The following TIAM2 variants were observed in gnomAD, a reference collection of about 807,000 sequenced individuals.
The protein encoded by TIAM2 is rho guanine nucleotide exchange factor TIAM2.
A neutral mutation model predicts 152.9 loss-of-function variants in TIAM2; 80 were observed. That is an observed-to-expected ratio of 0.52 (90% CI 0.44 to 0.63). The LOEUF is 0.63. Among genes scored for constraint, TIAM2 ranks in the 30% least tolerant of loss-of-function variants. The pLI is 0.00. For missense variants in TIAM2, 1,965 were observed against 2,120.1 expected (o/e 0.93, Z 1.44); for synonymous variants, 804 against 838.0 (o/e 0.96, Z 0.70).
At chr6:155,240,794 G>GC (rs777474190) in intron 16 of TIAM2, 85 bp downstream of exon 16, 475 of 1,405,178 alleles carry the variant, frequency 3.4e-4, no homozygotes, top group Non-Finnish European at 4.4e-4. Flanking sequence ...GATCACCTCT[G>GC]CCCAGGACAC....
intron 6 of TIAM2, 123 bp from the exon 7 acceptor site, chr6:155,147,987 A>T: frequency 4.4e-6 from 4 of 908,590 alleles, no homozygotes; most frequent in Admixed American, 2.1e-5. Flanking sequence ...TTTTGAAATT[A>T]AGCAGCTTGT....
chr6:155,139,353 G>A (rs536728754), intron 5 of TIAM2, among the ~76,000 whole-genome samples: 21 of 152,296 alleles, frequency 1.4e-4, no homozygotes, highest in South Asian at 4.1e-4. Context: ...GCAGGCCGGC[G>A]GGTGTACAAA....
chr6:155,216,509 G>A (rs979090096), intron 15 of TIAM2: 1 of 152,350 alleles, frequency 6.6e-6, no homozygotes, highest in Non-Finnish European at 1.5e-5. Flanking sequence ...TCTCTGTAAG[G>A]GTGCCTATTA....
At chr6:155,039,548 G>A (rs960361002) in intron 1 of TIAM2, among the ~76,000 whole-genome samples, 28 of 149,078 alleles carry the variant, frequency 1.9e-4, no homozygotes, top group African/African-American at 6.1e-4. Context: ...GGTAAAAGTT[G>A]CCAGAAGTGG....
At chr6:154,996,046 C>G (rs1407419721) in intron 1 of TIAM2, among the ~76,000 whole-genome samples, 1 of 152,136 alleles carries the variant, frequency 6.6e-6, no homozygotes, top group African/African-American at 2.4e-5. Flanking sequence ...AGCGCGGGAG[C>G]CATCCCGGAC....
At chr6:155,089,337 G>A (rs1016136861) in intron 1 of TIAM2, among the ~76,000 whole-genome samples, 4 of 152,094 alleles carry the variant, frequency 2.6e-5, no homozygotes, top group African/African-American at 9.7e-5. Context: ...CTCCCAAGTA[G>A]TGGGGACTAC....
At chr6:155,010,777 C>T (rs367915408) in intron 1 of TIAM2, among the ~76,000 whole-genome samples, 13 of 150,712 alleles carry the variant, frequency 8.6e-5, no homozygotes, top group South Asian at 8.4e-4. Flanking sequence ...AGGCCAGGCG[C>T]GGTGGCTCAT....
chr6:155,002,404 T>A (rs1778328034), intron 1 of TIAM2, among the ~76,000 whole-genome samples: 1 of 152,120 alleles, frequency 6.6e-6, no homozygotes, highest in Admixed American at 6.6e-5. Flanking sequence ...GAGCAAGACC[T>A]CGTCTCAAAA....
In TIAM2 at chr6:155,156,036, A is replaced by G. The variant is rs564252770; in HGVS notation, c.2028+7702A>G. Among the ~76,000 whole-genome samples the G allele has an allele frequency of 5.9e-5, 9 of 152,332 alleles. No homozygotes were observed. In the South Asian group the frequency reaches 6.2e-4, roughly 11 times the overall value. On this transcript the variant is annotated intron_variant, in intron 7 of 26. Coordinates refer to ENST00000682666, the MANE Select transcript of TIAM2 (RefSeq NM_012454.4). This position sits in a 1 kb window ranked among gnomAD's most constrained non-coding sequence, Gnocchi z 4.4. ...TGAGCATACAATTTCAACATAACAC[A>G]GTGATTCAGTGCACGTGGCATTCCA...
chr6:155,206,488 G>C (rs1781599632), intron 14 of TIAM2, among the ~76,000 whole-genome samples: 1 of 152,162 alleles, frequency 6.6e-6, no homozygotes, highest in African/African-American at 2.4e-5. Flanking sequence ...GCCCCCCTCA[G>C]CCTCCTAAAG....
At chr6:155,045,838 C>CTTTT (rs1238583120) in intron 1 of TIAM2, among the ~76,000 whole-genome samples, 1 of 45,136 alleles carries the variant, frequency 2.2e-5, no homozygotes, top group Non-Finnish European at 4.5e-5. Context: ...ACATAGTGCC[C>CTTTT]TCTTTTTTTT....
intron 14 of TIAM2, among the ~76,000 whole-genome samples, chr6:155,203,677 G>T (rs1173278237): frequency 6.6e-6 from 1 of 152,132 alleles, no homozygotes; most frequent in Non-Finnish European, 1.5e-5. Context: ...CACATCAGAA[G>T]GGGTTTCTAA....
At chr6:155,030,452 A>AAT (rs1776802139) in intron 1 of TIAM2, among the ~76,000 whole-genome samples, 1 of 152,168 alleles carries the variant, frequency 6.6e-6, no homozygotes, top group Admixed American at 6.5e-5. Flanking sequence ...GAGAAGGAGC[A>AAT]ATAGGCAGGG....
intron 7 of TIAM2, among the ~76,000 whole-genome samples, chr6:155,162,790 C>A (rs1292536387): frequency 6.6e-6 from 1 of 152,164 alleles, no homozygotes; most frequent in African/African-American, 2.4e-5. Flanking sequence ...CAGTAGGCCA[C>A]CACGTTGCTA....
intron 2 of TIAM2, among the ~76,000 whole-genome samples, chr6:155,110,938 C>A (rs1157506303): frequency 6.6e-6 from 1 of 152,142 alleles, no homozygotes; most frequent in African/African-American, 2.4e-5. Context: ...TGAGAATAAT[C>A]CTTATCCTGC....
At chr6:155,215,853 C>T (rs975565692) in intron 15 of TIAM2, among the ~76,000 whole-genome samples, 1 of 151,230 alleles carries the variant, frequency 6.6e-6, no homozygotes, top group South Asian at 2.1e-4. Context: ...TGTTGTGCAG[C>T]CTGGAGTGCA....
chr6:155,048,035 C>T lies in TIAM2; in HGVS notation c.-208-42254C>T, dbSNP rs11963310. On this transcript the variant is annotated intron_variant, in intron 1 of 26. Coordinates refer to ENST00000682666, the MANE Select transcript of TIAM2 (RefSeq NM_012454.4). ...TGGCGCGATCTCCACTCACTGCAAC[C>T]TCTACTTCCTGGGTTCAAGTGATTC... 2.8e-3 allele frequency among the ~76,000 whole-genome samples: 430 copies of T among 152,232 alleles called. 1 individual carries two copies. The highest frequency in any genetic ancestry group is 9.8e-3 in the African/African-American group (408 of 41,538).
In TIAM2 at chr6:155,254,356, G is replaced by A. The variant is rs549414155; in HGVS notation, c.4314-63G>A. The A allele has an allele frequency of 2.2e-4, 351 of 1,577,838 alleles. 3 individuals are homozygous for A. The African/African-American group carries it at 4.3e-3, about 19-fold the overall frequency. ...GCAAGGCACAGGAACACAGGCGGGCGTGGAATGGAAGCACGATGAACACTG... is the reference window on the plus strand; with the variant it reads ...GCAAGGCACAGGAACACAGGCGGGCATGGAATGGAAGCACGATGAACACTG... On this transcript the variant is annotated intron_variant, in intron 25 of 26. Transcript: ENST00000682666.
At chr6:155,160,905 C>T (rs1393873576) in intron 7 of TIAM2, among the ~76,000 whole-genome samples, 2 of 152,162 alleles carry the variant, frequency 1.3e-5, no homozygotes, top group African/African-American at 4.8e-5. Flanking sequence ...TTTAAATGAA[C>T]TTTACAGTGT....
Sources: gnomAD v4.1 joint callset for allele counts (sites outside exome capture counted in the v4.1 genomes callset) on GRCh38, gnomAD v4.1.1 for gene constraint, Gnocchi (gnomAD v3.1) non-coding constraint, MANE v1.5 for transcripts, NCBI Gene and HGNC (gene_info 2026-07-23, HGNC 2026-07-21) for gene names.